PTPRD: variants seen among roughly 807,000 people sequenced by gnomAD.
The protein encoded by PTPRD is protein tyrosine phosphatase receptor type D, also known as receptor-type tyrosine-protein phosphatase delta.
In PTPRD, 34 loss-of-function variants were observed where a neutral mutation model predicts 214.5. The observed-to-expected ratio is 0.16, with a 90% CI of 0.12 to 0.21. PTPRD has a LOEUF of 0.21. Ranked by LOEUF, PTPRD falls within the 10% of genes least tolerant of loss-of-function variation. The pLI is 1.00. For synonymous variants in PTPRD, 1,128 were observed against 845.7 expected (o/e 1.33, Z -5.79); for missense variants, 2,545 against 2,398.7 (o/e 1.06, Z -1.27).
chr9:9,388,715 A>AAAAATC (rs2064775109), intron 9 of PTPRD, among the ~76,000 whole-genome samples: 1 of 152,032 alleles, frequency 6.6e-6, no homozygotes, highest in African/African-American at 2.4e-5. Context: ...AAATAAAAAT[A>AAAAATC]TTTTATTCCA....
intron 2 of PTPRD, among the ~76,000 whole-genome samples, chr9:10,479,658 T>TAAACAAAC (rs1555402919): frequency 0.012 from 1,678 of 145,888 alleles, 12 homozygotes; most frequent in Non-Finnish European, 0.015. Context: ...AATAAATAAA[T>TAAACAAAC]AAACAAAAAT....
intron 5 of PTPRD, among the ~76,000 whole-genome samples, chr9:9,801,344 A>C (rs1017154332): frequency 6.6e-6 from 1 of 152,080 alleles, no homozygotes; most frequent in Non-Finnish European, 1.5e-5. Flanking sequence ...GATTAAAAAA[A>C]AAAAAGTAAC....
chr9:8,974,431 A>G (rs1398990293), intron 11 of PTPRD, among the ~76,000 whole-genome samples: 1 of 152,018 alleles, frequency 6.6e-6, no homozygotes, highest in East Asian at 1.9e-4. Context: ...AAATTCTGGG[A>G]TACATGTGCA....
At chr9:9,535,392 T>C (rs1460104188) in intron 8 of PTPRD, among the ~76,000 whole-genome samples, 1 of 152,100 alleles carries the variant, frequency 6.6e-6, no homozygotes, top group Non-Finnish European at 1.5e-5. Context: ...ATGAACTTCA[T>C]TGAAAGGTTG....
At chr9:8,797,108 G>C (rs944831156) in intron 11 of PTPRD, 1 of 151,976 alleles carries the variant, frequency 6.6e-6, no homozygotes, top group African/African-American at 2.4e-5. Flanking sequence ...GAGACTTAAA[G>C]CACACAAGAT....
Position 10,295,995 on chromosome 9 carries a change from G to C in PTPRD, c.-545+44968C>G, listed in dbSNP as rs547868523. ...CTCAGTGTAAGGTTCCTTACAGACA[G>C]TGATTCTAAAGGACAGACAGAACCA... On this transcript the variant is annotated intron_variant, in intron 3 of 45. Transcript: ENST00000381196. Among the ~76,000 whole-genome samples the C allele has an allele frequency of 4.3e-4, 66 of 152,132 alleles. 1 individual carries two copies. The highest frequency in any genetic ancestry group is 1.6e-3 in the African/African-American group (66 of 41,528).
At chr9:8,460,311 T>C (rs754058559) in intron 33 of PTPRD, 100 bp downstream of exon 33, 25 of 1,371,008 alleles carry the variant, frequency 1.8e-5, no homozygotes, top group Non-Finnish European at 2.6e-5. Flanking sequence ...ACTGAAGTAT[T>C]TCTACTAAAA....
intron 7 of PTPRD, among the ~76,000 whole-genome samples, chr9:9,616,248 TAC>T (rs1334551497): frequency 6.6e-6 from 1 of 152,128 alleles, no homozygotes. Context: ...TCCCAAGTAA[TAC>T]AGTGACACCC....
chr9:8,692,109 T>C (rs1299794975), intron 12 of PTPRD, among the ~76,000 whole-genome samples: 1 of 152,144 alleles, frequency 6.6e-6, no homozygotes, highest in Non-Finnish European at 1.5e-5. Flanking sequence ...TCAAACAGCT[T>C]TGCATTAATT....
chr9:8,946,812 CTT>C (rs369025921), intron 11 of PTPRD, among the ~76,000 whole-genome samples: 1 of 151,884 alleles, frequency 6.6e-6, no homozygotes. Context: ...CCCTTTGTCC[CTT>C]TTTTTCCCCC....
chr9:8,773,070 G>A (rs2095304564), intron 11 of PTPRD, among the ~76,000 whole-genome samples: 1 of 152,114 alleles, frequency 6.6e-6, no homozygotes, highest in African/African-American at 2.4e-5. Context: ...AATGGCCTAT[G>A]AATTATGGAG....
chr9:10,544,169 G>A (rs1466329832), intron 2 of PTPRD, among the ~76,000 whole-genome samples: 3 of 151,896 alleles, frequency 2.0e-5, no homozygotes, highest in African/African-American at 4.8e-5. Flanking sequence ...CACATATAAG[G>A]TTTCTGAGAT....
chr9:10,070,880 T>C (rs973323888), intron 3 of PTPRD, among the ~76,000 whole-genome samples: 24 of 151,878 alleles, frequency 1.6e-4, no homozygotes, highest in Non-Finnish European at 4.4e-5. Context: ...AAAAATAGAG[T>C]CATGAGTCCA....
chr9:9,162,420 G>A (rs2099891584), intron 10 of PTPRD, among the ~76,000 whole-genome samples: 2 of 152,174 alleles, frequency 1.3e-5, no homozygotes, highest in Non-Finnish European at 2.9e-5. Flanking sequence ...TAAAACCACT[G>A]GGGGAAAACT....
At chr9:9,115,102 T>C (rs1214676563) in intron 10 of PTPRD, among the ~76,000 whole-genome samples, 1 of 152,116 alleles carries the variant, frequency 6.6e-6, no homozygotes, top group East Asian at 1.9e-4. Flanking sequence ...TACGGTGTTG[T>C]TGGAGGTAGA....
intron 11 of PTPRD, among the ~76,000 whole-genome samples, chr9:8,767,899 G>A: frequency 6.6e-6 from 1 of 152,102 alleles, no homozygotes; most frequent in East Asian, 1.9e-4. Context: ...TGGGAAAGAT[G>A]AAAAAGGAAA....
intron 3 of PTPRD, among the ~76,000 whole-genome samples, chr9:10,297,167 T>C (rs2095702919): frequency 1.3e-5 from 2 of 150,020 alleles, no homozygotes; most frequent in South Asian, 2.1e-4. Flanking sequence ...AGGGTACATG[T>C]GCACCATGTG....
intron 9 of PTPRD, among the ~76,000 whole-genome samples, chr9:9,301,632 A>G (rs959716696): frequency 1.3e-5 from 2 of 151,858 alleles, no homozygotes; most frequent in African/African-American, 4.8e-5. Flanking sequence ...ACTGAAGCCG[A>G]CTTTTGATGG....
At chr9:9,647,657 G>C (rs184511799) in intron 7 of PTPRD, among the ~76,000 whole-genome samples, 150 of 152,256 alleles carry the variant, frequency 9.9e-4, no homozygotes, top group African/African-American at 3.4e-3. Flanking sequence ...TCAGTGCCAA[G>C]GTCAAGACAT....
Sources: allele counts gnomAD v4.1 joint callset (sites outside exome capture counted in the v4.1 genomes callset), GRCh38; gene constraint gnomAD v4.1.1; transcripts MANE v1.5; gene names NCBI Gene and HGNC (gene_info 2026-07-23, HGNC 2026-07-21).